MAGI1: variants seen among roughly 807,000 people sequenced by gnomAD.
The protein encoded by MAGI1 is membrane associated guanylate kinase, WW and PDZ domain containing 1, also known as membrane-associated guanylate kinase, WW and PDZ domain-containing protein 1.
MAGI1 carries 58 observed loss-of-function variants against 139.9 expected under a neutral mutation model. The ratio of observed to expected loss-of-function variants is 0.41; its 90% confidence interval spans 0.34 to 0.52. MAGI1 has a LOEUF of 0.52. Ranked by LOEUF, MAGI1 falls within the 20% of genes least tolerant of loss-of-function variation. MAGI1 has a pLI of 0.12. For missense variants in MAGI1, 1,874 were observed against 1,901.6 expected, an observed-to-expected ratio of 0.99 and a Z score of 0.27; for synonymous variants, 812 against 737.9, an observed-to-expected ratio of 1.10 and a Z score of -1.63.
chr3:66,036,021 T>C (rs759616940), intron 1 of MAGI1, among the ~76,000 whole-genome samples: 45 of 152,270 alleles, frequency 3.0e-4, no homozygotes, highest in Admixed American at 1.8e-3. Context: ...TCCCCCTAGT[T>C]GGGCAGGTAC....
chr3:65,478,507 C>G (rs1474334003), intron 4 of MAGI1, 85 bp downstream of exon 4: 14 of 1,326,666 alleles, frequency 1.1e-5, no homozygotes, highest in Non-Finnish European at 1.3e-5. Context: ...CTCCTGAGAA[C>G]AGCATCCTTT....
chr3:65,930,324 A>C (rs2062749430), intron 1 of MAGI1, among the ~76,000 whole-genome samples: 1 of 142,322 alleles, frequency 7.0e-6, no homozygotes, highest in Admixed American at 6.8e-5. Flanking sequence ...TCAAAAAAAA[A>C]AAAAAAAAAA....
chr3:65,695,605 CT>C (rs1339274250), intron 1 of MAGI1, among the ~76,000 whole-genome samples: 1 of 152,114 alleles, frequency 6.6e-6, no homozygotes, highest in East Asian at 1.9e-4. Context: ...TATAGACTTG[CT>C]TTTTTTATGC....
At chr3:66,024,267 A>T (rs529076845) in intron 1 of MAGI1, among the ~76,000 whole-genome samples, 128 of 149,214 alleles carry the variant, frequency 8.6e-4, no homozygotes, top group South Asian at 3.6e-3. Context: ...CCCTTTTTTT[A>T]AAAAAAAGAA....
chr3:66,000,577 A>G (rs1251411842), intron 1 of MAGI1, among the ~76,000 whole-genome samples: 1 of 152,238 alleles, frequency 6.6e-6, no homozygotes, highest in Non-Finnish European at 1.5e-5. Context: ...TGTGGGAAAT[A>G]AAAGCTAAAA....
intron 1 of MAGI1, among the ~76,000 whole-genome samples, chr3:65,626,634 T>G (rs944387462): frequency 6.6e-6 from 1 of 152,182 alleles, no homozygotes; most frequent in African/African-American, 2.4e-5. Context: ...TGGAAGGCAT[T>G]CTTAAGTATA....
intron 1 of MAGI1, among the ~76,000 whole-genome samples, chr3:65,662,762 T>A (rs1396386649): frequency 6.6e-6 from 1 of 152,230 alleles, no homozygotes; most frequent in African/African-American, 2.4e-5. Flanking sequence ...ACGATATTAT[T>A]AACTATAGTC....
intron 2 of MAGI1, among the ~76,000 whole-genome samples, chr3:65,612,106 T>A (rs1256848703): frequency 3.3e-5 from 5 of 152,070 alleles, no homozygotes; most frequent in Non-Finnish European, 7.4e-5. Context: ...CTAAAAACAC[T>A]GATATAAGTA....
At chr3:65,371,495 A>T (rs911130401) in intron 18 of MAGI1, among the ~76,000 whole-genome samples, 5 of 152,156 alleles carry the variant, frequency 3.3e-5, no homozygotes, top group African/African-American at 9.7e-5. Flanking sequence ...TCTTGCCTTG[A>T]TGTTGATGCC....
chr3:65,905,491 A>T (rs1290395878), intron 1 of MAGI1, among the ~76,000 whole-genome samples: 2 of 129,892 alleles, frequency 1.5e-5, no homozygotes, highest in Non-Finnish European at 3.2e-5. Flanking sequence ...ACCTTGCCTT[A>T]AAAAAAAAAA....
At chr3:66,010,119 T>A (rs2067250753) in intron 1 of MAGI1, among the ~76,000 whole-genome samples, 1 of 150,106 alleles carries the variant, frequency 6.7e-6, no homozygotes, top group African/African-American at 2.4e-5. Context: ...CATTGTTTAT[T>A]TTTAAAAACA....
At chr3:65,970,346 G>T (rs980285817) in intron 1 of MAGI1, among the ~76,000 whole-genome samples, 2 of 152,102 alleles carry the variant, frequency 1.3e-5, no homozygotes, top group African/African-American at 4.8e-5. Flanking sequence ...GTACCAGGAA[G>T]TGGGGACTTA....
At chr3:65,422,741 C>T (rs567123092) in intron 12 of MAGI1, among the ~76,000 whole-genome samples, 52 of 152,042 alleles carry the variant, frequency 3.4e-4, no homozygotes, top group South Asian at 1.2e-3. Context: ...GGAATGGTCA[C>T]GGCAGACTCC....
intron 22 of MAGI1, 130 bp from the exon 23 acceptor site, chr3:65,357,262 G>C (rs1019380273): frequency 1.1e-6 from 1 of 917,470 alleles, no homozygotes; most frequent in South Asian, 1.8e-5. Context: ...CAGACTCAAA[G>C]CCAACTGAAT....
chr3:65,557,138 G>T (rs1264279965), intron 2 of MAGI1, among the ~76,000 whole-genome samples: 2 of 152,198 alleles, frequency 1.3e-5, no homozygotes, highest in African/African-American at 4.8e-5. Flanking sequence ...AGACTCTTGT[G>T]TATTGTCTTC....
At chr3:65,929,703 A>G (rs1446445501) in intron 1 of MAGI1, among the ~76,000 whole-genome samples, 1 of 152,160 alleles carries the variant, frequency 6.6e-6, no homozygotes. Context: ...TATCTTGAAT[A>G]ACTTGAGACC....
At chr3:65,592,170 A>T (rs957509757) in intron 2 of MAGI1, among the ~76,000 whole-genome samples, 1 of 152,216 alleles carries the variant, frequency 6.6e-6, no homozygotes, top group Non-Finnish European at 1.5e-5. Context: ...ATAAATAAAT[A>T]TATCTTAGTG....
chr3:65,651,816 A>G lies in MAGI1; in HGVS notation c.314-29728T>C, dbSNP rs76789648. Reference sequence around the variant, plus strand: ...GTTAATTTTTCTAATGATTTGGCCTATAAGTCAACCTTCTCCCCACTCATC... The same window carrying G: ...GTTAATTTTTCTAATGATTTGGCCTGTAAGTCAACCTTCTCCCCACTCATC... On this transcript the variant is annotated intron_variant, in intron 1 of 22. Transcript: ENST00000402939. Among the ~76,000 whole-genome samples, 1,148 of 152,268 alleles carry G rather than the reference A, an allele frequency of 7.5e-3. 9 individuals are homozygous for G. Among genetic ancestry groups the G allele is most frequent in the African/African-American group, 0.027 (1,103 of 41,558 alleles).
At chr3:65,514,575 C>T (rs1260270846) in intron 2 of MAGI1, among the ~76,000 whole-genome samples, 2 of 144,152 alleles carry the variant, frequency 1.4e-5, no homozygotes, top group African/African-American at 2.6e-5. Flanking sequence ...TCATCACTGG[C>T]CATCAGAGAA....
Sources: gnomAD v4.1 joint callset for allele counts (sites outside exome capture counted in the v4.1 genomes callset) on GRCh38, gnomAD v4.1.1 for gene constraint, MANE v1.5 for transcripts, NCBI Gene and HGNC (gene_info 2026-07-23, HGNC 2026-07-21) for gene names.